The following ZNF37A variants were observed in gnomAD, a reference collection of about 807,000 sequenced individuals.
ZNF37A encodes the protein zinc finger protein 37a (KOX 21).
ZNF37A carries 10 observed loss-of-function variants against 12.3 expected under a neutral mutation model. The observed-to-expected ratio is 0.82, with a 90% CI of 0.50 to 1.38. ZNF37A has a LOEUF of 1.38. Among genes scored for constraint, ZNF37A ranks in the 40% most tolerant of loss-of-function variants. The pLI, the probability that ZNF37A is intolerant of heterozygous loss-of-function variation, is 0.00. For synonymous variants in ZNF37A, 207 were observed against 223.0 expected, an observed-to-expected ratio of 0.93 and a Z score of 0.64; for missense variants, 580 against 651.2, an observed-to-expected ratio of 0.89 and a Z score of 1.19.
Position 38,118,141 on chromosome 10 carries a change from T to C in ZNF37A, c.990T>C (p.His330=), listed in dbSNP as rs762748903. ...IHTGERPYGC[H]ECGKSFSEKS... Reference sequence around the variant, plus strand: ...CAGGGGAGAGACCTTATGGATGTCATGAATGTGGGAAATCCTTCAGTGAAA... The same window carrying C: ...CAGGGGAGAGACCTTATGGATGTCACGAATGTGGGAAATCCTTCAGTGAAA... Residue 330 remains histidine, a synonymous_variant, in exon 8 of 8, where the codon CAT becomes CAC. Transcript: ENST00000685332. The C allele has an allele frequency of 3.9e-5, 63 of 1,613,864 alleles. 2 individuals carry two copies. The South Asian group carries it at 5.8e-4, about 15-fold the overall frequency.
chr10:38,144,838 G>C (rs967262009), intron 7 of ZNF37A, among the ~76,000 whole-genome samples: 1 of 151,972 alleles, frequency 6.6e-6, no homozygotes, highest in African/African-American at 2.4e-5. Flanking sequence ...ACTAAGTCTC[G>C]TATGCAGCAC....
In ZNF37A at chr10:38,115,114, T is replaced by TAC. The variant is rs1200144511; in HGVS notation, c.143-81_143-80insAC. 1,183 of 1,094,560 alleles carry TAC rather than the reference T, an allele frequency of 1.1e-3. 8 individuals carry two copies. The East Asian group carries it at 0.015, about 14-fold the overall frequency. 67.8% of individuals were successfully genotyped at this position (1,094,560 alleles called of 1,614,324 possible). On this transcript the variant is annotated intron_variant, in intron 6 of 7. Coordinates refer to ENST00000685332, the MANE Select transcript of ZNF37A (RefSeq NM_001324250.3). ...GTGTGTGTGTGTGTGTGTGTGTGTG[T>TAC]GTACTGTTTGGGGTATACTGTCTTC...
rs1233418188 is a variant in ZNF37A, at chr10:38,119,527, G to C, written c.*690G>C. The C allele has an allele frequency of 2.1e-6, 1 of 475,026 alleles. No individual in the cohort carries two copies. Among genetic ancestry groups the C allele is most frequent in the East Asian group, 1.5e-4 (1 of 6,524 alleles). 29.4% of individuals were successfully genotyped at this position (475,026 alleles called of 1,614,324 possible). A position where few individuals can be genotyped will look rare whatever the true frequency, so the allele number is the denominator to read the frequency against. ...TAAGTTAAAATCTAAATTTAATATAGAACAGAGGTGTTGAGTTGCAGGATA... is the reference window on the plus strand; with the variant it reads ...TAAGTTAAAATCTAAATTTAATATACAACAGAGGTGTTGAGTTGCAGGATA... On this transcript the variant is annotated 3_prime_UTR_variant, in exon 8 of 8. Coordinates refer to ENST00000685332, the MANE Select transcript of ZNF37A (RefSeq NM_001324250.3).
intron 5 of ZNF37A, among the ~76,000 whole-genome samples, chr10:38,098,137 A>G (rs36091737): frequency 0.029 from 4,377 of 152,274 alleles, 123 homozygotes; most frequent in African/African-American, 0.077. Flanking sequence ...TTGTAGTTGT[A>G]TATCAGTACT....
At chr10:38,147,698 T>C (rs2070272297) in exon 8 of ZNF37A, 1 of 152,180 alleles carries the variant, frequency 6.6e-6, no homozygotes, top group Non-Finnish European at 1.5e-5. Flanking sequence ...CTTTTGTACA[T>C]AAGCTAAAAA....
chr10:38,149,884 A>G (rs1245939771), exon 8 of ZNF37A: 1 of 152,136 alleles, frequency 6.6e-6, no homozygotes, highest in Non-Finnish European at 1.5e-5. Context: ...CGGTTTTGCT[A>G]ATTTCTTTAG....
chr10:38,104,953 C>T (rs2505194), intron 5 of ZNF37A, among the ~76,000 whole-genome samples: 62,223 of 151,348 alleles, frequency 0.41, 12,996 homozygotes, highest in East Asian at 0.5. Context: ...CAGGCTATAC[C>T]ATTATCCACA....
downstream of ZNF37A, among the ~76,000 whole-genome samples, chr10:38,126,639 A>G (rs1163193833): frequency 5.9e-5 from 9 of 152,190 alleles, no homozygotes; most frequent in African/African-American, 1.4e-4. Context: ...GCCAATGAGG[A>G]AGAAACCATT....
intron 5 of ZNF37A, among the ~76,000 whole-genome samples, chr10:38,107,552 C>G (rs1350341004): frequency 6.6e-6 from 1 of 152,196 alleles, no homozygotes; most frequent in Non-Finnish European, 1.5e-5. Context: ...TTAAAATACA[C>G]AGACTGGCAA....
intron 7 of ZNF37A, among the ~76,000 whole-genome samples, chr10:38,131,635 G>A (rs1381317126): frequency 1.3e-5 from 2 of 152,102 alleles, no homozygotes; most frequent in Non-Finnish European, 2.9e-5. Flanking sequence ...TCTGAAGATT[G>A]TTTTTGCTAT....
chr10:38,110,796 C>T lies in ZNF37A; in HGVS notation c.16-3959C>T, dbSNP rs1019964812. 3.3e-5 allele frequency among the ~76,000 whole-genome samples: 5 copies of T among 152,084 alleles called. No homozygotes were observed. In the East Asian group the frequency reaches 9.6e-4, roughly 29 times the overall value. ...ACCACAATGAGATACTATCTCATGC[C>T]AGTTAGAATAGCAATCATTAAAAAG... On this transcript the variant is annotated intron_variant, in intron 5 of 7. Coordinates refer to ENST00000685332, the MANE Select transcript of ZNF37A (RefSeq NM_001324250.3).
intron 7 of ZNF37A, chr10:38,141,197 G>A (rs1264281813): frequency 6.6e-6 from 1 of 152,118 alleles, no homozygotes; most frequent in Non-Finnish European, 1.5e-5. Flanking sequence ...TTAAAGAGGT[G>A]GAGTTTAATT....
intron 5 of ZNF37A, among the ~76,000 whole-genome samples, chr10:38,107,938 G>A (rs906352539): frequency 6.6e-6 from 1 of 151,084 alleles, no homozygotes; most frequent in Non-Finnish European, 1.5e-5. Flanking sequence ...GTATTAGACA[G>A]ATCATCAAGA....
chr10:38,112,750 CTTTTCTTTTCTTTTCTTTTCTTT>C (rs2068852356), intron 5 of ZNF37A, among the ~76,000 whole-genome samples: 1 of 47,354 alleles, frequency 2.1e-5, no homozygotes, highest in Admixed American at 2.7e-4. Context: ...CTTTTCTTTT[CTTTTCTTTTCTTTTCTTTTCTTT>C]TCTTTTCTTT....
chr10:38,129,304 TAA>T (rs775705417), downstream of ZNF37A, among the ~76,000 whole-genome samples: 12 of 56,904 alleles, frequency 2.1e-4, no homozygotes, highest in East Asian at 6.7e-4. Context: ...AGACTCTGTC[TAA>T]AAAAAAAAAA....
At chr10:38,148,036 A>G (rs1159281955) in exon 8 of ZNF37A, 2 of 152,256 alleles carry the variant, frequency 1.3e-5, no homozygotes, top group Admixed American at 6.5e-5. Flanking sequence ...TATTGAGGGT[A>G]TCAAGGAGAT....
rs1235241075 is a variant in ZNF37A, at chr10:38,096,557, C to T, written c.-44-17C>T. 1.9e-5 allele frequency: 30 copies of T among 1,583,424 alleles called. No homozygotes were observed. The highest frequency in any genetic ancestry group is 2.5e-5 in the Non-Finnish European group (29 of 1,162,428). On this transcript the variant is annotated splice_polypyrimidine_tract_variant and intron_variant, in intron 4 of 7. Coordinates refer to ENST00000685332, the MANE Select transcript of ZNF37A (RefSeq NM_001324250.3). ...TAAGGCAAGTGACATCACTCATGAT[C>T]TTTTCTTATTTCTCAGCTACACCCT...
At chr10:38,094,714 G>C (rs1456471440) in intron 1 of ZNF37A, among the ~76,000 whole-genome samples, 1 of 152,366 alleles carries the variant, frequency 6.6e-6, no homozygotes, top group East Asian at 1.9e-4. Flanking sequence ...GCGCAGAAAC[G>C]GGCCTTCTGC....
Position 38,121,019 on chromosome 10 carries a change from A to G in ZNF37A, c.*2182A>G, listed in dbSNP as rs923946298. ...TTGGTTGTGCCTTGTCACAACTGCA[A>G]ACAATACCTGAGTGGAGTATTCAAA... On this transcript the variant is annotated 3_prime_UTR_variant, in exon 8 of 8. Transcript: ENST00000685332. 1 of 152,212 alleles carries G rather than the reference A, an allele frequency of 6.6e-6. No homozygotes were observed. The highest frequency in any genetic ancestry group is 2.4e-5 in the African/African-American group (1 of 41,466). The allele number at this position is 152,212 out of a possible 1,614,324, so 9.4% of individuals were successfully genotyped here.
Sources: allele counts gnomAD v4.1 joint callset (sites outside exome capture counted in the v4.1 genomes callset), GRCh38; gene constraint gnomAD v4.1.1; transcripts MANE v1.5; gene names NCBI Gene and HGNC (gene_info 2026-07-23, HGNC 2026-07-21).